PHACTR2: variants seen among roughly 807,000 people sequenced by gnomAD.
PHACTR2 encodes chromosome 6 open reading frame 56.
PHACTR2 carries 30 observed loss-of-function variants against 76.0 expected under a neutral mutation model. The ratio of observed to expected loss-of-function variants is 0.39; its 90% confidence interval spans 0.30 to 0.54. The LOEUF (loss-of-function observed/expected upper bound fraction) is 0.54, where lower values mean the gene tolerates loss of function less well. PHACTR2 is among the 20% of genes least tolerant of loss of function. PHACTR2 has a pLI of 0.61. For synonymous variants in PHACTR2, 292 were observed against 292.5 expected, an observed-to-expected ratio of 1.00 and a Z score of 0.02; for missense variants, 696 against 781.1, an observed-to-expected ratio of 0.89 and a Z score of 1.30.
chr6:143,793,197 A>G lies in PHACTR2; in HGVS notation c.1845+4287A>G, dbSNP rs2128480625. 6.6e-6 allele frequency among the ~76,000 whole-genome samples: 1 copy of G among 152,284 alleles called. No homozygotes were observed. Among genetic ancestry groups the G allele is most frequent in the Non-Finnish European group, 1.5e-5 (1 of 68,016 alleles). On this transcript the variant is annotated intron_variant, in intron 11 of 12. Transcript: ENST00000440869. This position sits in a 1 kb window ranked among gnomAD's most constrained non-coding sequence, Gnocchi z 4.4. ...ACTAAATTGTCCAAACCCTAGAAAC[A>G]GTTCCTTTTGACTCTTGTTCTTTTG...
In PHACTR2 at chr6:143,780,444, T is replaced by C. The variant is rs1422255293; in HGVS notation, c.1646-2775T>C. ...CTGGGCAATATAGTGAGATCTCATC[T>C]CCACCAAAAATTGAAAAAACAAAAC... On this transcript the variant is annotated intron_variant, in intron 9 of 12. Coordinates refer to ENST00000440869, the MANE Select transcript of PHACTR2 (RefSeq NM_001100164.2). This position sits in a 1 kb window ranked among gnomAD's most constrained non-coding sequence, Gnocchi z 4.4. Among the ~76,000 whole-genome samples the C allele has an allele frequency of 6.6e-6, 1 of 152,032 alleles. No homozygotes were observed. Among genetic ancestry groups the C allele is most frequent in the Non-Finnish European group, 1.5e-5 (1 of 68,014 alleles).
At chr6:143,788,416 A>C (rs1322017169) in intron 10 of PHACTR2, among the ~76,000 whole-genome samples, 5 of 152,140 alleles carry the variant, frequency 3.3e-5, no homozygotes, top group Non-Finnish European at 7.3e-5. Context: ...TCAATCACCA[A>C]ACCAGCCATT....
rs1375273653 is a variant in PHACTR2 at position 143,776,813 on chromosome 6, C to T, written c.1590-515C>T. 2.0e-5 allele frequency among the ~76,000 whole-genome samples: 3 copies of T among 152,208 alleles called. No homozygotes were observed. Among genetic ancestry groups the T allele is most frequent in the South Asian group, 2.1e-4 (1 of 4,830 alleles). On this transcript the variant is annotated intron_variant, in intron 8 of 12. Transcript: ENST00000440869. This position sits in a 1 kb window ranked among gnomAD's most constrained non-coding sequence, Gnocchi z 5.3. ...GATCCAGTATGGTGGGAGCATGGCT[C>T]CTTGAAGTCTGCCTGGCAGCCCCAT... is the stretch of plus-strand genomic sequence containing the variant.
At position 143,623,479 on chromosome 6, in the gene PHACTR2, G is replaced by A. The variant is rs1381538801; in HGVS notation, c.13+15157G>A. ...AGTCCCAGCTACGTGGGAGGCTGAG[G>A]CAGGAGAATCACTTGAGCTCGGAAG... On this transcript the variant is annotated intron_variant, in intron 1 of 11. Coordinates refer to the PHACTR2 transcript ENST00000305766. This position sits in a 1 kb window ranked among gnomAD's most constrained non-coding sequence, Gnocchi z 5.9. Among the ~76,000 whole-genome samples, 1 of 152,152 alleles carries A rather than the reference G, an allele frequency of 6.6e-6. No homozygotes were observed. Among genetic ancestry groups the A allele is most frequent in the East Asian group, 1.9e-4 (1 of 5,194 alleles).
intron 12 of PHACTR2, among the ~76,000 whole-genome samples, chr6:143,812,042 A>AGTT (rs1776186235): frequency 6.6e-6 from 1 of 152,144 alleles, no homozygotes; most frequent in Admixed American, 6.5e-5. Flanking sequence ...CTTCCCTTCA[A>AGTT]AACCTCAATC....
At position 143,801,029 on chromosome 6, in the gene PHACTR2, T is replaced by A. The variant is rs1775943020; in HGVS notation, c.1846-6028T>A. ...AAGAATGTTGAATATTGACCCCCAC[T>A]CTCTTCTGGCTGGTAGGGTATCTGC... is the stretch of plus-strand genomic sequence containing the variant. On this transcript the variant is annotated intron_variant, in intron 11 of 12. Coordinates refer to ENST00000440869, the MANE Select transcript of PHACTR2 (RefSeq NM_001100164.2). The surrounding 1 kb of genome is among the most constrained non-coding windows in gnomAD (Gnocchi z 4.6). 6.6e-6 allele frequency among the ~76,000 whole-genome samples: 1 copy of A among 152,226 alleles called. No individual in the cohort carries two copies. The highest frequency in any genetic ancestry group is 1.5e-5 in the Non-Finnish European group (1 of 68,038).
chr6:143,806,570 G>T lies in PHACTR2; in HGVS notation c.1846-487G>T, dbSNP rs1196365960. 6.6e-6 allele frequency among the ~76,000 whole-genome samples: 1 copy of T among 152,162 alleles called. No homozygotes were observed. The highest frequency in any genetic ancestry group is 2.4e-5 in the African/African-American group (1 of 41,442). ...TCAAGGATGAGTTTAGCAAAGGCCC[G>T]CTCCCACTCCCTCTTGCCAATGGCA... On this transcript the variant is annotated intron_variant, in intron 11 of 12. Coordinates refer to ENST00000440869, the MANE Select transcript of PHACTR2 (RefSeq NM_001100164.2). The surrounding 1 kb of genome is among the most constrained non-coding windows in gnomAD (Gnocchi z 5.8).
At chr6:143,613,674 T>A (rs1776015742) in intron 1 of PHACTR2, among the ~76,000 whole-genome samples, 1 of 152,198 alleles carries the variant, frequency 6.6e-6, no homozygotes, top group African/African-American at 2.4e-5. Flanking sequence ...ATCACCAAGA[T>A]GAAATAGAAA....
At chr6:143,769,258 T>G (rs1042444177) in intron 6 of PHACTR2, among the ~76,000 whole-genome samples, 2 of 152,132 alleles carry the variant, frequency 1.3e-5, no homozygotes, top group Non-Finnish European at 2.9e-5. Flanking sequence ...TGAAAACTAA[T>G]AAGCCCATTT....
chr6:143,695,029 G>A lies in PHACTR2; in HGVS notation c.46+16820G>A, dbSNP rs770251680. Among the ~76,000 whole-genome samples, 6 of 152,128 alleles carry A rather than the reference G, an allele frequency of 3.9e-5. No individual in the cohort carries two copies. Among genetic ancestry groups the A allele is most frequent in the Non-Finnish European group, 8.8e-5 (6 of 68,020 alleles). ...TCAAGCTGGTTAAGCACACAAATAA[G>A]AATTGGGTGCATCAGAATCTAGTGA... On this transcript the variant is annotated intron_variant, in intron 1 of 12. Transcript: ENST00000440869. The surrounding 1 kb of genome is among the most constrained non-coding windows in gnomAD (Gnocchi z 4.4).
chr6:143,784,858 C>T lies in PHACTR2; in HGVS notation c.1707+1578C>T, dbSNP rs1775518503. On this transcript the variant is annotated intron_variant, in intron 10 of 12. Transcript: ENST00000440869. This position sits in a 1 kb window ranked among gnomAD's most constrained non-coding sequence, Gnocchi z 4.5. ...CATCAGATCTTGTGAGACTTTTTGA[C>T]TATCACAAGAATAGAATGGGAAAGA... Among the ~76,000 whole-genome samples, 1 of 152,166 alleles carries T rather than the reference C, an allele frequency of 6.6e-6. No individual in the cohort carries two copies. Among genetic ancestry groups the T allele is most frequent in the African/African-American group, 2.4e-5 (1 of 41,438 alleles).
intron 1 of PHACTR2, among the ~76,000 whole-genome samples, chr6:143,568,382 T>G (rs1775393107): frequency 1.3e-5 from 2 of 152,222 alleles, no homozygotes; most frequent in Admixed American, 1.3e-4. Context: ...AATGTCTATC[T>G]TTAGAGGCAG....
intron 1 of PHACTR2, among the ~76,000 whole-genome samples, chr6:143,614,674 G>A (rs1462885069): frequency 6.6e-6 from 1 of 152,094 alleles, no homozygotes; most frequent in African/African-American, 2.4e-5. Flanking sequence ...ATAAGTGTCA[G>A]TGCTTGATTG....
chr6:143,753,948 T>TA lies in PHACTR2; in HGVS notation c.454+37dup. 6.7e-7 allele frequency: 1 copy of TA among 1,482,942 alleles called. No individual in the cohort carries two copies. The highest frequency in any genetic ancestry group is 1.3e-5 in the South Asian group (1 of 76,162). 91.9% of individuals were successfully genotyped at this position (1,482,942 alleles called of 1,614,324 possible). A position where few individuals can be genotyped will look rare whatever the true frequency, so the allele number is the denominator to read the frequency against. On this transcript the variant is annotated intron_variant, in intron 4 of 12. Transcript: ENST00000440869. The surrounding 1 kb of genome is among the most constrained non-coding windows in gnomAD (Gnocchi z 4.6). ...GACAAACCCATATTATTTACTTTAG[T>TA]ATATAGCTCAATGTCTAGAACCAGC...
Position 143,777,144 on chromosome 6 carries a change from G to A in PHACTR2, c.1590-184G>A, listed in dbSNP as rs925365693. ...GAAAGGAGACTGTGTAATGGGGGTCGGTGAGCAGCCTCAGCCATGATCTGT... is the reference window on the plus strand; with the variant it reads ...GAAAGGAGACTGTGTAATGGGGGTCAGTGAGCAGCCTCAGCCATGATCTGT... On this transcript the variant is annotated intron_variant, in intron 8 of 12. Coordinates refer to ENST00000440869, the MANE Select transcript of PHACTR2 (RefSeq NM_001100164.2). The surrounding 1 kb of genome is among the most constrained non-coding windows in gnomAD (Gnocchi z 4.6). Among the ~76,000 whole-genome samples, 15 of 151,080 alleles carry A rather than the reference G, an allele frequency of 9.9e-5. No individual in the cohort carries two copies. The highest frequency in any genetic ancestry group is 4.2e-4 in the South Asian group (2 of 4,736).
intron 1 of PHACTR2, among the ~76,000 whole-genome samples, chr6:143,551,058 C>CA (rs111767009): frequency 6.0e-4 from 91 of 150,460 alleles, no homozygotes; most frequent in African/African-American, 8.5e-4. Flanking sequence ...AAAAAGACAA[C>CA]AAAAAAAAAC....
chr6:143,707,295 T>C (rs1778077273), intron 1 of PHACTR2, among the ~76,000 whole-genome samples: 1 of 152,238 alleles, frequency 6.6e-6, no homozygotes, highest in South Asian at 2.1e-4. Flanking sequence ...TTACCACACA[T>C]GATTTCTCCT....
rs1776793755 is a variant in PHACTR2 at position 143,653,208 on chromosome 6, A to G, written c.13+44886A>G. Among the ~76,000 whole-genome samples, 1 of 152,210 alleles carries G rather than the reference A, an allele frequency of 6.6e-6. No individual in the cohort carries two copies. Among genetic ancestry groups the G allele is most frequent in the Admixed American group, 6.5e-5 (1 of 15,290 alleles). On this transcript the variant is annotated intron_variant, in intron 1 of 11. Coordinates refer to the PHACTR2 transcript ENST00000305766. The surrounding 1 kb of genome is among the most constrained non-coding windows in gnomAD (Gnocchi z 4.9). Reference sequence around the variant, plus strand: ...AGACACGTCAGGAAGCAATTTGTGCATCGAGACTCGAGCTGCTTTGGAGTT... The same window carrying G: ...AGACACGTCAGGAAGCAATTTGTGCGTCGAGACTCGAGCTGCTTTGGAGTT...
At chr6:143,717,509 G>T (rs971032799) in intron 2 of PHACTR2, among the ~76,000 whole-genome samples, 10 of 151,756 alleles carry the variant, frequency 6.6e-5, no homozygotes, top group Non-Finnish European at 1.5e-4. Flanking sequence ...AACATGCCTT[G>T]AATTGCTTCT....
Sources: allele counts gnomAD v4.1 joint callset (sites outside exome capture counted in the v4.1 genomes callset), GRCh38; gene constraint gnomAD v4.1.1; non-coding constraint Gnocchi (gnomAD v3.1); transcripts MANE v1.5; gene names NCBI Gene and HGNC (gene_info 2026-07-23, HGNC 2026-07-21).